The following PBX1 variants were observed in gnomAD, a reference collection of about 807,000 sequenced individuals.
PBX1 encodes pre-B-cell leukemia transcription factor 1.
In PBX1, 6 loss-of-function variants were observed where a neutral mutation model predicts 53.4. The ratio of observed to expected loss-of-function variants is 0.11; its 90% confidence interval spans 0.06 to 0.22. The LOEUF is 0.22. Among genes scored for constraint, PBX1 ranks in the 10% least tolerant of loss-of-function variants. The pLI, the probability that PBX1 is intolerant of heterozygous loss-of-function variation, is 1.00. For missense variants in PBX1, 251 were observed against 551.4 expected (o/e 0.46, Z 5.46); for synonymous variants, 204 against 212.3 (o/e 0.96, Z 0.34).
At chr1:164,626,518 G>A (rs1297517253) in intron 2 of PBX1, among the ~76,000 whole-genome samples, 3 of 152,168 alleles carry the variant, frequency 2.0e-5, no homozygotes, top group African/African-American at 7.2e-5. Flanking sequence ...CTAGCTGTAG[G>A]AAAGGCAATG....
intron 8 of PBX1, chr1:164,829,504 T>G (rs1022696254): frequency 2.6e-5 from 4 of 152,162 alleles, no homozygotes; most frequent in Non-Finnish European, 5.9e-5. Context: ...TAGCTCGTTA[T>G]CCTCAGCAAA....
chr1:164,848,990 AC>A lies in PBX1; in HGVS notation c.*2315del, dbSNP rs1419122766. On this transcript the variant is annotated 3_prime_UTR_variant, in exon 9 of 9. Coordinates refer to ENST00000420696, the MANE Select transcript of PBX1 (RefSeq NM_002585.4). Reference sequence around the variant, plus strand: ...TCTACTAACTTCAGCCCTAATCAGAACAGATGCCTAGAAGGAGCATTTTTGT... The same window carrying A: ...TCTACTAACTTCAGCCCTAATCAGAAAGATGCCTAGAAGGAGCATTTTTGT... The A allele has an allele frequency of 8.7e-7, 1 of 1,150,216 alleles. No homozygotes were observed. Among genetic ancestry groups the A allele is most frequent in the Non-Finnish European group, 1.1e-6 (1 of 932,262 alleles). The allele number at this position is 1,150,216 out of a possible 1,614,324, so 71.3% of individuals were successfully genotyped here.
chr1:164,846,488 G>A, intron 8 of PBX1, 96 bp from the exon 9 acceptor site: 1 of 1,005,418 alleles, frequency 9.9e-7, no homozygotes, highest in Non-Finnish European at 1.6e-6. Flanking sequence ...CAGGCACTAT[G>A]CTAGGTCCTT....
At chr1:164,657,161 C>T (rs1660216930) in intron 2 of PBX1, 1 of 152,148 alleles carries the variant, frequency 6.6e-6, no homozygotes, top group Non-Finnish European at 1.5e-5. Flanking sequence ...TCATTGGCTC[C>T]AAGAGACAAG....
chr1:164,766,952 A>G (rs1667089113), intron 2 of PBX1, among the ~76,000 whole-genome samples: 1 of 150,452 alleles, frequency 6.6e-6, no homozygotes, highest in Non-Finnish European at 1.5e-5. Context: ...CTGGTCTCGA[A>G]CTCCCGACCT....
In PBX1 at chr1:164,724,670, A is replaced by ATTTTTTTTTT. The variant is rs59042806; in HGVS notation, c.266-67794_266-67785dup. On this transcript the variant is annotated intron_variant, in intron 2 of 8. Transcript: ENST00000420696. ...CAGATGCCCATTGCAATAGCTGCAG[A>ATTTTTTTTTT]TTTTTTTTTTTTTTTTTTTTTTTTT... Among the ~76,000 whole-genome samples the ATTTTTTTTTT allele has an allele frequency of 3.1e-4, 15 of 48,236 alleles. 3 individuals carry two copies. The highest frequency in any genetic ancestry group is 1.4e-3 in the South Asian group (2 of 1,446). The allele number at this position is 48,236 out of a possible 152,430, so 31.6% of individuals were successfully genotyped here.
intron 2 of PBX1, among the ~76,000 whole-genome samples, chr1:164,869,041 G>A (rs1558053125): frequency 6.6e-6 from 1 of 152,160 alleles, no homozygotes; most frequent in Non-Finnish European, 1.5e-5. Context: ...TCTGTCTCTG[G>A]CATGAATTAA....
rs188523026 is a variant in PBX1 at position 164,750,955 on chromosome 1, G to A, written c.266-41539G>A. Among the ~76,000 whole-genome samples the A allele has an allele frequency of 2.6e-5, 4 of 152,112 alleles. No individual in the cohort carries two copies. The East Asian group carries it at 7.7e-4, about 29-fold the overall frequency. ...CCCTAAGGTAACAATTTTTAAATAG[G>A]GTCTAGGGATCCCCAACATTTCCAG... On this transcript the variant is annotated intron_variant, in intron 2 of 8. Coordinates refer to ENST00000420696, the MANE Select transcript of PBX1 (RefSeq NM_002585.4).
At position 164,699,334 on chromosome 1, in the gene PBX1, GATTT is replaced by G. The variant is rs1662972395; in HGVS notation, c.266-93155_266-93152del. Among the ~76,000 whole-genome samples, 6 of 152,304 alleles carry G rather than the reference GATTT, an allele frequency of 3.9e-5. No homozygotes were observed. In the South Asian group the frequency reaches 1.2e-3, roughly 32 times the overall value. ...AACAGGGAGCCAAGCTTTCAAAAGT[GATTT>G]ATTTTTCAGTAGTTAACGTTTTTGT... is the stretch of plus-strand genomic sequence containing the variant. On this transcript the variant is annotated intron_variant, in intron 2 of 8. Coordinates refer to ENST00000420696, the MANE Select transcript of PBX1 (RefSeq NM_002585.4).
intron 2 of PBX1, among the ~76,000 whole-genome samples, chr1:164,618,279 C>T (rs1657416623): frequency 8.3e-6 from 1 of 120,766 alleles, no homozygotes; most frequent in South Asian, 3.1e-4. Context: ...TGACTTACCC[C>T]AGGGAGAATA....
intron 2 of PBX1, among the ~76,000 whole-genome samples, chr1:164,870,551 C>T (rs1162637296): frequency 6.6e-6 from 1 of 151,808 alleles, no homozygotes; most frequent in African/African-American, 2.4e-5. Context: ...GCCATGTTGC[C>T]CAGGCTGGTC....
intron 3 of PBX1, among the ~76,000 whole-genome samples, chr1:164,796,019 A>AT (rs10717463): frequency 0.016 from 2,237 of 142,614 alleles, 46 homozygotes; most frequent in African/African-American, 0.048. Context: ...TTTTGAAGAC[A>AT]TTTTTTTTTT....
chr1:164,745,411 C>A (rs1665839402), intron 2 of PBX1, among the ~76,000 whole-genome samples: 1 of 152,174 alleles, frequency 6.6e-6, no homozygotes, highest in Non-Finnish European at 1.5e-5. Context: ...TACATTTCTA[C>A]CCTTATAAAA....
chr1:164,593,811 C>T (rs574433954), intron 2 of PBX1, among the ~76,000 whole-genome samples: 5 of 152,268 alleles, frequency 3.3e-5, no homozygotes, highest in African/African-American at 1.2e-4. Flanking sequence ...GTTATTATCT[C>T]CGTTTCTTCC....
intron 2 of PBX1, among the ~76,000 whole-genome samples, chr1:164,660,948 G>A (rs1294821014): frequency 6.6e-6 from 1 of 152,144 alleles, no homozygotes; most frequent in Non-Finnish European, 1.5e-5. Flanking sequence ...GCACCTTGAT[G>A]TATACCTGTA....
intron 8 of PBX1, among the ~76,000 whole-genome samples, chr1:164,826,517 G>A (rs1670471589): frequency 6.6e-6 from 1 of 151,986 alleles, no homozygotes; most frequent in Non-Finnish European, 1.5e-5. Context: ...CGATTCTTGT[G>A]CCTCAGCCTC....
At chr1:164,658,519 A>G (rs1660298119) in intron 2 of PBX1, among the ~76,000 whole-genome samples, 1 of 152,190 alleles carries the variant, frequency 6.6e-6, no homozygotes, top group Non-Finnish European at 1.5e-5. Context: ...CTGTGGCACT[A>G]CAGCTTTTTC....
intron 2 of PBX1, among the ~76,000 whole-genome samples, chr1:164,571,059 C>T (rs1203442182): frequency 6.6e-6 from 1 of 152,112 alleles, no homozygotes; most frequent in Non-Finnish European, 1.5e-5. Flanking sequence ...TAGAAGACAA[C>T]CTGACCTTTT....
chr1:164,662,959 C>A (rs1660571908), intron 2 of PBX1, among the ~76,000 whole-genome samples: 1 of 152,082 alleles, frequency 6.6e-6, no homozygotes. Flanking sequence ...TTATAAAGAA[C>A]TACAACTCTA....
Sources: allele counts gnomAD v4.1 joint callset (sites outside exome capture counted in the v4.1 genomes callset), GRCh38; gene constraint gnomAD v4.1.1; transcripts MANE v1.5; gene names NCBI Gene and HGNC (gene_info 2026-07-23, HGNC 2026-07-21).